The following FBP2 variants were observed in gnomAD, a reference collection of about 807,000 sequenced individuals.
The protein encoded by FBP2 is fructose-1,6-bisphosphatase isozyme 2.
In FBP2, 27 loss-of-function variants were observed where a neutral mutation model predicts 31.6. That is an observed-to-expected ratio of 0.85 (90% CI 0.63 to 1.18). FBP2 has a LOEUF of 1.18. FBP2 is among the 50% of genes most tolerant of loss of function. The pLI is 0.00. For missense variants in FBP2, 421 were observed against 436.1 expected, an observed-to-expected ratio of 0.97 and a Z score of 0.31; for synonymous variants, 168 against 179.8, an observed-to-expected ratio of 0.93 and a Z score of 0.53.
Position 94,593,792 on chromosome 9 carries a change from G to T in FBP2, c.-66C>A. 6 of 1,554,612 alleles carry T rather than the reference G, an allele frequency of 3.9e-6. No individual in the cohort carries two copies. The highest frequency in any genetic ancestry group is 5.3e-6 in the Non-Finnish European group (6 of 1,138,494). ...ACCTTGCTTACTTCTGAGGGCTGCAGCTCCGCAGTGTGGAAGCCGATAAGA... is the reference window on the plus strand; with the variant it reads ...ACCTTGCTTACTTCTGAGGGCTGCATCTCCGCAGTGTGGAAGCCGATAAGA... On this transcript the variant is annotated 5_prime_UTR_variant, in exon 1 of 7. The change creates a new upstream start codon in the 5' untranslated region. Transcript: ENST00000375337.
intron 3 of FBP2, 47 bp downstream of exon 3, chr9:94,584,530 G>C (rs748144295): frequency 4.9e-6 from 6 of 1,234,158 alleles, no homozygotes; most frequent in Admixed American, 3.4e-5. Flanking sequence ...GAACCTTCCA[G>C]AGACCACCAC....
chr9:94,593,664 C>G lies in FBP2; in HGVS notation c.63G>C (p.Lys21Asn). 6.2e-7 allele frequency: 1 copy of G among 1,614,254 alleles called. No individual in the cohort carries two copies. The highest frequency in any genetic ancestry group is 1.3e-5 in the African/African-American group (1 of 75,072). Reference protein sequence around the residue: ...MLTLTRYVMEKGRQAKGTGEL... With the variant: ...MLTLTRYVMENGRQAKGTGEL... ...CCCCAGTCCCTTTGGCCTGACGCCC[C>G]TTTTCCATAACGTAGCGGGTCAGGG... The change falls in exon 1 of 7, where the codon AAG becomes AAC. Residue 21 changes from lysine to asparagine, a missense_variant. Physicochemically the swap from Lys to Asn is moderately conservative, Grantham distance 94. Transcript: ENST00000375337.
intron 5 of FBP2, 98 bp from the exon 6 acceptor site, chr9:94,563,559 C>T (rs1175515890): frequency 7.5e-7 from 1 of 1,341,000 alleles, no homozygotes; most frequent in Admixed American, 2.0e-5. Flanking sequence ...CCTCTGCCTT[C>T]TTGAATCCCT....
chr9:94,558,952 G>T lies in FBP2; in HGVS notation c.1006C>A (p.Gln336Lys), dbSNP rs1827050625. 6.2e-7 allele frequency: 1 copy of T among 1,613,962 alleles called. No homozygotes were observed. The highest frequency in any genetic ancestry group is 2.2e-5 in the East Asian group (1 of 44,868). The change falls in exon 7 of 7, where the codon CAG becomes AAG. Residue 336 changes from glutamine to lysine, a missense_variant. Coordinates refer to ENST00000375337, the MANE Select transcript of FBP2 (RefSeq NM_003837.4). ...GGTCAAACTCGCTAGCTGCCTGCCT[G>T]ATTTTTCTGCACACAGGTGAGATAT... is the stretch of plus-strand genomic sequence containing the variant. ...QEYLTCVQKN[Q>K]AGS
At chr9:94,571,667 GCCTGGGCTTC>G in intron 3 of FBP2, 65 bp from the exon 4 acceptor site, 1 of 1,452,366 alleles carries the variant, frequency 6.9e-7, no homozygotes, top group Non-Finnish European at 9.3e-7. Context: ...TTTGCCAGGG[GCCTGGGCTTC>G]AGATCTCCTC....
chr9:94,574,804 G>GA (rs1046443784), intron 3 of FBP2, among the ~76,000 whole-genome samples: 4 of 151,534 alleles, frequency 2.6e-5, no homozygotes, highest in Admixed American at 1.3e-4. Flanking sequence ...TCTATGCATG[G>GA]AAAAAAAAGA....
At chr9:94,567,658 GTCT>G in intron 4 of FBP2, 3 of 439,162 alleles carry the variant, frequency 6.8e-6, no homozygotes, top group South Asian at 9.5e-5. Flanking sequence ...GCAGCCCATA[GTCT>G]TCTTTCTTTT....
In FBP2 at chr9:94,558,839, C is replaced by A. The variant is rs566540894; in HGVS notation, c.*99G>T. On this transcript the variant is annotated 3_prime_UTR_variant, in exon 7 of 7. Transcript: ENST00000375337. ...TCTGTATGTGATTAAGTGGATTTAC[C>A]TTTTGTATACTCATAGCTACCATCT... The A allele has an allele frequency of 1.1e-4, 131 of 1,156,258 alleles. No homozygotes were observed. In the African/African-American group the frequency reaches 1.9e-3, roughly 17 times the overall value. 71.6% of individuals were successfully genotyped at this position (1,156,258 alleles called of 1,614,324 possible).
chr9:94,587,585 C>T (rs1232773618), intron 1 of FBP2, 116 bp from the exon 2 acceptor site: 7 of 880,170 alleles, frequency 8.0e-6, no homozygotes, highest in African/African-American at 1.7e-5. Context: ...TCTCTGGAGT[C>T]TCCAAGTCAC....
chr9:94,585,007 T>C (rs1433595828), intron 2 of FBP2, among the ~76,000 whole-genome samples: 2 of 151,956 alleles, frequency 1.3e-5, no homozygotes, highest in Non-Finnish European at 2.9e-5. Flanking sequence ...TATAGCCCCC[T>C]GTGTGCAAGG....
intron 3 of FBP2, among the ~76,000 whole-genome samples, chr9:94,582,351 C>CGTGTGTGT (rs71366248): frequency 2.5e-4 from 37 of 147,854 alleles, no homozygotes; most frequent in African/African-American, 8.0e-4. Context: ...TGTGTGTGTG[C>CGTGTGTGT]GTGTGTGTGT....
At chr9:94,563,568 C>T (rs1827141785) in intron 5 of FBP2, 107 bp from the exon 6 acceptor site, 8 of 1,204,280 alleles carry the variant, frequency 6.6e-6, no homozygotes, top group Non-Finnish European at 9.5e-6. Context: ...TCTTGAATCC[C>T]TATCCTCCAC....
intron 6 of FBP2, among the ~76,000 whole-genome samples, chr9:94,560,649 T>C (rs1020002320): frequency 2.0e-5 from 3 of 151,064 alleles, no homozygotes; most frequent in African/African-American, 4.8e-5. Context: ...TTAAACTACT[T>C]TGAGAAAGAG....
chr9:94,579,907 A>G (rs1411221152), intron 3 of FBP2, among the ~76,000 whole-genome samples: 1 of 152,200 alleles, frequency 6.6e-6, no homozygotes, highest in Non-Finnish European at 1.5e-5. Flanking sequence ...GTTTTCCTAC[A>G]TTATTACTTG....
intron 3 of FBP2, among the ~76,000 whole-genome samples, chr9:94,573,829 G>A (rs2772011): frequency 0.49 from 73,958 of 152,042 alleles, 18,602 homozygotes; most frequent in East Asian, 0.61. Flanking sequence ...GATAACACTG[G>A]TTTCATAAAA....
chr9:94,563,713 TAA>T (rs1341595784), intron 5 of FBP2, among the ~76,000 whole-genome samples: 1 of 129,816 alleles, frequency 7.7e-6, no homozygotes, highest in Non-Finnish European at 1.7e-5. Flanking sequence ...GCAGCAATCT[TAA>T]AAGAGCCGCT....
intron 2 of FBP2, among the ~76,000 whole-genome samples, chr9:94,585,624 C>A (rs1257183964): frequency 6.6e-6 from 1 of 152,072 alleles, no homozygotes; most frequent in Non-Finnish European, 1.5e-5. Flanking sequence ...TGTTTGTTTT[C>A]TTGTTTTTGT....
intron 4 of FBP2, chr9:94,569,674 C>T (rs984454139): frequency 2.0e-5 from 3 of 152,170 alleles, no homozygotes; most frequent in Non-Finnish European, 4.4e-5. Context: ...CACCCTGTTA[C>T]CGATTATCAG....
At chr9:94,561,815 C>T (rs1827109198) in intron 6 of FBP2, among the ~76,000 whole-genome samples, 2 of 152,150 alleles carry the variant, frequency 1.3e-5, no homozygotes, top group African/African-American at 4.8e-5. Flanking sequence ...AGATTAGGAT[C>T]CAACAGAACT....
Sources: allele counts gnomAD v4.1 joint callset (sites outside exome capture counted in the v4.1 genomes callset), GRCh38; gene constraint gnomAD v4.1.1; transcripts MANE v1.5; gene names NCBI Gene and HGNC (gene_info 2026-07-23, HGNC 2026-07-21).